The following PPP1R13L variants were observed in gnomAD, a reference collection of about 807,000 sequenced individuals.
The protein encoded by PPP1R13L is protein phosphatase 1 regulatory subunit 13 like, also known as relA-associated inhibitor.
In PPP1R13L, 50 loss-of-function variants were observed where a neutral mutation model predicts 80.9. That is an observed-to-expected ratio of 0.62 (90% confidence interval 0.49 to 0.78). The LOEUF is 0.78. Among genes scored for constraint, PPP1R13L ranks in the 30% least tolerant of loss-of-function variants. The probability of loss-of-function intolerance (pLI) is 0.00; values close to 1 mark genes in which losing one functional copy is unlikely to be tolerated. For missense variants in PPP1R13L, 1,200 were observed against 1,205.9 expected (o/e 1.00, Z 0.07); for synonymous variants, 602 against 534.3 (o/e 1.13, Z -1.75).
upstream of PPP1R13L, among the ~76,000 whole-genome samples, chr19:45,405,800 G>GCCAC (rs1973334791): frequency 6.6e-6 from 1 of 152,212 alleles, no homozygotes; most frequent in Admixed American, 6.5e-5. Flanking sequence ...ACCCTGTCTA[G>GCCAC]CCACCGTCTC....
chr19:45,392,830 T>C (rs923516685), intron 7 of PPP1R13L: 10 of 232,042 alleles, frequency 4.3e-5, no homozygotes, highest in Admixed American at 1.1e-4. Context: ...TGATTTCTTC[T>C]CTGTCTTACT....
In PPP1R13L at chr19:45,396,115, A is replaced by T; in HGVS notation, c.903+53T>A. ...AGACTGGCCTTGACCCCGCTCCCCC[A>T]CCCCACTCCTCGACCTTCCCCAGCC... On this transcript the variant is annotated intron_variant, in intron 6 of 12. Coordinates refer to ENST00000360957, the MANE Select transcript of PPP1R13L (RefSeq NM_006663.4). The surrounding 1 kb of genome is among the most constrained non-coding windows in gnomAD (Gnocchi z 5.3). 4 of 1,514,796 alleles carry T rather than the reference A, an allele frequency of 2.6e-6. No homozygotes were observed. Among genetic ancestry groups the T allele is most frequent in the South Asian group, 1.2e-5 (1 of 83,432 alleles). 93.8% of individuals were successfully genotyped at this position (1,514,796 alleles called of 1,614,324 possible).
In PPP1R13L at chr19:45,395,768, G is replaced by T; in HGVS notation, c.1022C>A (p.Thr341Asn). The change falls in exon 7 of 13, where the codon ACT (threonine) becomes AAT (asparagine). Residue 341 changes from threonine (T) to asparagine (N), a missense_variant. By Grantham distance (65) the Thr-to-Asn change is moderately conservative. Around this residue, in one of 5 missense-constraint regions of PPP1R13L, gnomAD observed 764 missense variants for 714.5 expected, o/e 1.07. Transcript: ENST00000360957. The part of the protein sequence containing the change: ...RSLGSAGPSG[T>N]LPRSWQPVSR... ...GACGGGCTGCCAGCTGCGAGGCAAA[G>T]TGCCCGACGGCCCCGCGGAGCCCAG... is the stretch of plus-strand genomic sequence containing the variant. 1 of 1,552,686 alleles carries T rather than the reference G, an allele frequency of 6.4e-7. No homozygotes were observed. Among genetic ancestry groups the T allele is most frequent in the Non-Finnish European group, 8.7e-7 (1 of 1,154,224 alleles).
chr19:45,394,403 C>A (rs561718869), intron 7 of PPP1R13L, among the ~76,000 whole-genome samples: 20 of 152,032 alleles, frequency 1.3e-4, no homozygotes, highest in Admixed American at 8.5e-4. Flanking sequence ...ATTAGCCCAC[C>A]AAACTGCTAG....
At position 45,397,468 on chromosome 19, in the gene PPP1R13L, C is replaced by CTTTCTTTCTTTCTTTCTTTCTT. The variant is rs1294884126; in HGVS notation, c.199-411_199-410insAAGAAAGAAAGAAAGAAAGAAA. On this transcript the variant is annotated intron_variant, in intron 3 of 12. Coordinates refer to ENST00000360957, the MANE Select transcript of PPP1R13L (RefSeq NM_006663.4). ...CCCTCCCTGCTTGCTTGCTTTCTCT[C>CTTTCTTTCTTTCTTTCTTTCTT]TCTCTCTTTCTTTCTTTCTTTCTTT... is the stretch of plus-strand genomic sequence containing the variant. Among the ~76,000 whole-genome samples the CTTTCTTTCTTTCTTTCTTTCTT allele has an allele frequency of 3.3e-3, 284 of 86,674 alleles. 8 individuals are homozygous for CTTTCTTTCTTTCTTTCTTTCTT. The highest frequency in any genetic ancestry group is 0.013 in the East Asian group (35 of 2,686). The allele number at this position is 86,674 out of a possible 152,430, so 56.9% of individuals were successfully genotyped here.
chr19:45,385,057 C>A (rs1457438364), intron 11 of PPP1R13L, among the ~76,000 whole-genome samples: 1 of 152,018 alleles, frequency 6.6e-6, no homozygotes, highest in Non-Finnish European at 1.5e-5. Flanking sequence ...GCACAATCCC[C>A]GTGGCACAGC....
chr19:45,384,838 G>A (rs1419092781), intron 11 of PPP1R13L, among the ~76,000 whole-genome samples: 1 of 151,976 alleles, frequency 6.6e-6, no homozygotes, highest in Admixed American at 6.6e-5. Context: ...GGGTGACAGT[G>A]AGACTCTGTC....
Position 45,391,930 on chromosome 19 carries a change from G to C in PPP1R13L, c.1765C>G (p.Pro589Ala). The C allele has an allele frequency of 6.7e-7, 1 of 1,503,488 alleles. No individual in the cohort carries two copies. Among genetic ancestry groups the C allele is most frequent in the Non-Finnish European group, 8.9e-7 (1 of 1,128,778 alleles). The allele number at this position is 1,503,488 out of a possible 1,614,324, so 93.1% of individuals were successfully genotyped here. A position where few individuals can be genotyped will look rare whatever the true frequency, so the allele number is the denominator to read the frequency against. ...PPAPAPPAPI[P>A]PPAPSQSSPP... ...CTGCTCTGGGACGGGGCCGGGGGTG[G>C]AATGGGAGCTGGTGGGGCAGGAGCA... The change falls in exon 8 of 13, where the codon CCA becomes GCA. Residue 589 changes from proline (P) to alanine (A), a missense_variant. Physicochemically the swap from Pro to Ala is conservative, Grantham distance 27. Coordinates refer to ENST00000360957, the MANE Select transcript of PPP1R13L (RefSeq NM_006663.4).
At chr19:45,382,117 G>A (rs1351781789) in intron 12 of PPP1R13L, among the ~76,000 whole-genome samples, 3 of 151,774 alleles carry the variant, frequency 2.0e-5, no homozygotes, top group Admixed American at 1.3e-4. Context: ...GGTGGTGGGC[G>A]CCTGTAATCC....
intron 11 of PPP1R13L, among the ~76,000 whole-genome samples, chr19:45,383,106 T>A (rs1294372371): frequency 1.3e-5 from 2 of 149,370 alleles, no homozygotes; most frequent in African/African-American, 4.9e-5. Context: ...ACCATTCTCC[T>A]GCCTCAGCCT....
chr19:45,405,549 G>A (rs1973323601), upstream of PPP1R13L, among the ~76,000 whole-genome samples: 1 of 152,252 alleles, frequency 6.6e-6, no homozygotes, highest in Non-Finnish European at 1.5e-5. Context: ...GGTCCTGTGG[G>A]AATTGTAGTC....
At chr19:45,383,293 C>T (rs1454485776) in intron 11 of PPP1R13L, among the ~76,000 whole-genome samples, 13 of 62,836 alleles carry the variant, frequency 2.1e-4, no homozygotes, top group African/African-American at 8.1e-4. Context: ...CGCGCCCGGC[C>T]TTTTTTTTTT....
intron 1 of PPP1R13L, 72 bp from the exon 2 acceptor site, chr19:45,398,411 C>G: frequency 6.9e-7 from 1 of 1,451,874 alleles, no homozygotes; most frequent in Non-Finnish European, 9.4e-7. Context: ...GAGTCAGACG[C>G]CGTCAGGAGC....
intron 8 of PPP1R13L, among the ~76,000 whole-genome samples, chr19:45,389,455 T>C (rs1202580366): frequency 7.9e-5 from 12 of 152,154 alleles, no homozygotes; most frequent in African/African-American, 2.7e-4. Flanking sequence ...GGTCCAATGG[T>C]GACAACAGTA....
rs1402989749 is a variant in PPP1R13L at position 45,395,730 on chromosome 19, T to C, written c.1060A>G (p.Met354Val). The change falls in exon 7 of 13, where the codon ATG (methionine) becomes GTG (valine). Residue 354 changes from methionine to valine, a missense_variant. Physicochemically the swap from Met to Val is conservative, Grantham distance 21. This residue lies in a region of PPP1R13L where 764 missense variants were observed against 714.5 expected (regional missense o/e 1.07). Transcript: ENST00000360957. Reference sequence around the variant, plus strand: ...CGGGGCTGGGGGCTGGAGGGGGGCATGGGGATGCGGCTGACGGGCTGCCAG... The same window carrying C: ...CGGGGCTGGGGGCTGGAGGGGGGCACGGGGATGCGGCTGACGGGCTGCCAG... ...RSWQPVSRIPMPPSSPQPRGA... is the reference protein window; with the variant it reads ...RSWQPVSRIPVPPSSPQPRGA... 2 of 1,367,242 alleles carry C rather than the reference T, an allele frequency of 1.5e-6. No homozygotes were observed. The highest frequency in any genetic ancestry group is 2.6e-5 in the South Asian group (2 of 75,864). 84.7% of individuals were successfully genotyped at this position (1,367,242 alleles called of 1,614,324 possible).
At position 45,392,012 on chromosome 19, in the gene PPP1R13L, C is replaced by G; in HGVS notation, c.1683G>C (p.Gly561=). 2 of 1,536,764 alleles carry G rather than the reference C, an allele frequency of 1.3e-6. No individual in the cohort carries two copies. The highest frequency in any genetic ancestry group is 1.7e-6 in the Non-Finnish European group (2 of 1,145,160). ...FHRHGGPGPG[G]PEPELSPITE... is the part of the protein sequence containing the mutation. Reference sequence around the variant, plus strand: ...TGATGGGGGACAGCTCTGGCTCCGGCCCCCCGGGCCCTGGCCCCCCATGAC... The same window carrying G: ...TGATGGGGGACAGCTCTGGCTCCGGGCCCCCGGGCCCTGGCCCCCCATGAC... Residue 561 remains glycine (G), a synonymous_variant, in exon 8 of 13, where the codon GGG becomes GGC. Transcript: ENST00000360957.
intron 11 of PPP1R13L, 99 bp downstream of exon 11, chr19:45,385,463 A>G: frequency 7.5e-7 from 1 of 1,336,738 alleles, no homozygotes; most frequent in Non-Finnish European, 1.0e-6. Context: ...TGGTTGGTAC[A>G]GCCCCCATAC....
intron 3 of PPP1R13L, 62 bp downstream of exon 3, chr19:45,397,943 G>A: frequency 2.0e-6 from 3 of 1,530,460 alleles, no homozygotes; most frequent in Middle Eastern, 1.8e-4. Flanking sequence ...TGAAATCCAG[G>A]CCTCTGGTCT....
chr19:45,400,339 C>T (rs10402393), intron 1 of PPP1R13L, among the ~76,000 whole-genome samples: 13,241 of 151,946 alleles, frequency 0.087, 1,195 homozygotes, highest in East Asian at 0.3. Flanking sequence ...GTCAGGCCAG[C>T]ACCATCCCTA....
Sources: allele counts gnomAD v4.1 joint callset (sites outside exome capture counted in the v4.1 genomes callset), GRCh38; gene constraint gnomAD v4.1.1; regional missense constraint gnomAD v4.1.1; non-coding constraint Gnocchi (gnomAD v3.1); transcripts MANE v1.5; gene names NCBI Gene and HGNC (gene_info 2026-07-23, HGNC 2026-07-21).